The following OSBPL3 variants were observed in gnomAD, a reference collection of about 807,000 sequenced individuals.
OSBPL3 encodes oxysterol-binding protein-related protein 3.
Under a neutral mutation model 120.1 loss-of-function variants are expected in OSBPL3, and 65 were observed. The ratio of observed to expected loss-of-function variants is 0.54; its 90% CI spans 0.44 to 0.67. The LOEUF (loss-of-function observed/expected upper bound fraction) is 0.67. Ranked by LOEUF, OSBPL3 falls within the 30% of genes least tolerant of loss-of-function variation. The probability of loss-of-function intolerance (pLI) is 0.00; values close to 1 mark genes in which losing one functional copy is unlikely to be tolerated. For synonymous variants in OSBPL3, 416 were observed against 402.6 expected, an observed-to-expected ratio of 1.03 and a Z score of -0.40; for missense variants, 1,004 against 1,082.1, an observed-to-expected ratio of 0.93 and a Z score of 1.01.
chr7:24,952,524 A>T lies in OSBPL3; in HGVS notation c.-150+27362T>A, dbSNP rs1473186623. On this transcript the variant is annotated intron_variant, in intron 1 of 22. Transcript: ENST00000313367. This position sits in a 1 kb window ranked among gnomAD's most constrained non-coding sequence, Gnocchi z 4.4. ...TAAAGAATATCCTGAAATTGGATGA[A>T]ATTTTAGATGTTGCTCTATAAATAT... 6.6e-6 allele frequency among the ~76,000 whole-genome samples: 1 copy of T among 152,214 alleles called. No homozygotes were observed. The highest frequency in any genetic ancestry group is 6.5e-5 in the Admixed American group (1 of 15,278).
Position 24,968,965 on chromosome 7 carries a change from T to C in OSBPL3, c.-150+10921A>G, listed in dbSNP as rs1816699630. On this transcript the variant is annotated intron_variant, in intron 1 of 22. Transcript: ENST00000313367. This position sits in a 1 kb window ranked among gnomAD's most constrained non-coding sequence, Gnocchi z 4.6. ...TATTCAAATACTCCAAGAAACAATT[T>C]TGCATATATATCATTTTGTGAATTT... Among the ~76,000 whole-genome samples, 1 of 152,208 alleles carries C rather than the reference T, an allele frequency of 6.6e-6. No individual in the cohort carries two copies. The highest frequency in any genetic ancestry group is 1.5e-5 in the Non-Finnish European group (1 of 68,026).
At chr7:24,860,565 C>G (rs151106347) in intron 10 of OSBPL3, among the ~76,000 whole-genome samples, 2 of 152,152 alleles carry the variant, frequency 1.3e-5, no homozygotes, top group African/African-American at 2.4e-5. Flanking sequence ...GATTGTGAGG[C>G]CTCCCCAGCC....
intron 19 of OSBPL3, among the ~76,000 whole-genome samples, chr7:24,812,713 G>C (rs949430596): frequency 2.0e-5 from 3 of 152,178 alleles, no homozygotes; most frequent in Non-Finnish European, 4.4e-5. Flanking sequence ...GGCATTTTCA[G>C]GTCAGATTCT....
At chr7:24,969,450 T>C (rs1290555708) in intron 1 of OSBPL3, among the ~76,000 whole-genome samples, 1 of 152,240 alleles carries the variant, frequency 6.6e-6, no homozygotes, top group Non-Finnish European at 1.5e-5. Flanking sequence ...TTTTTAAAAA[T>C]TGACCCCGCA....
At position 24,918,053 on chromosome 7, in the gene OSBPL3, A is replaced by AG; in HGVS notation, c.-149-25433dup. 1 of 984,124 alleles carries AG rather than the reference A, an allele frequency of 1.0e-6. No homozygotes were observed. Among genetic ancestry groups the AG allele is most frequent in the Non-Finnish European group, 1.2e-6 (1 of 828,784 alleles). The allele number at this position is 984,124 out of a possible 1,614,324, so 61.0% of individuals were successfully genotyped here. A position where few individuals can be genotyped will look rare whatever the true frequency, so the allele number is the denominator to read the frequency against. On this transcript the variant is annotated intron_variant, in intron 1 of 22. Transcript: ENST00000313367. This position sits in a 1 kb window ranked among gnomAD's most constrained non-coding sequence, Gnocchi z 4.3. The stretch of plus-strand genomic sequence containing the variant: ...AAATGACTAGCACTCTTACCTATAA[A>AG]GGTTGGCTTATCCTCGACGCACATA...
chr7:24,905,643 C>A (rs1371543584), intron 1 of OSBPL3, among the ~76,000 whole-genome samples: 2 of 152,176 alleles, frequency 1.3e-5, no homozygotes, highest in Non-Finnish European at 2.9e-5. Context: ...GCGTCCAGGG[C>A]TAAGAGTCAT....
At chr7:24,884,773 C>T (rs574446503) in intron 2 of OSBPL3, among the ~76,000 whole-genome samples, 3 of 152,200 alleles carry the variant, frequency 2.0e-5, no homozygotes, top group Non-Finnish European at 2.9e-5. Context: ...TATAAACAGC[C>T]GGAGATTCAA....
In OSBPL3 at chr7:24,867,286, A is replaced by C. The variant is rs1801466558; in HGVS notation, c.382-1049T>G. On this transcript the variant is annotated intron_variant, in intron 5 of 22. Transcript: ENST00000313367. The surrounding 1 kb of genome is among the most constrained non-coding windows in gnomAD (Gnocchi z 4.5). ...TTTATAATTCAGACTTTTCAGATTAATCTTTTCTGAACTGGAATGAATTAG... is the reference window on the plus strand; with the variant it reads ...TTTATAATTCAGACTTTTCAGATTACTCTTTTCTGAACTGGAATGAATTAG... 2.6e-5 allele frequency among the ~76,000 whole-genome samples: 4 copies of C among 152,136 alleles called. No individual in the cohort carries two copies. In the South Asian group the frequency reaches 8.3e-4, roughly 32 times the overall value.
intron 10 of OSBPL3, among the ~76,000 whole-genome samples, chr7:24,860,121 G>A (rs1800320432): frequency 6.6e-6 from 1 of 152,138 alleles, no homozygotes; most frequent in Admixed American, 6.6e-5. Context: ...GTTTGTATGT[G>A]TGTGGGTATA....
chr7:24,921,187 G>A (rs1167153527), intron 1 of OSBPL3, among the ~76,000 whole-genome samples: 2 of 131,678 alleles, frequency 1.5e-5, no homozygotes, highest in Non-Finnish European at 3.2e-5. Flanking sequence ...ATTTAGCAGT[G>A]ACTCAAGCCC....
In OSBPL3 at chr7:24,891,112, G is replaced by T. The variant is rs892874583; in HGVS notation, c.96+1265C>A. Among the ~76,000 whole-genome samples, 2 of 152,148 alleles carry T rather than the reference G, an allele frequency of 1.3e-5. No individual in the cohort carries two copies. The highest frequency in any genetic ancestry group is 4.8e-5 in the African/African-American group (2 of 41,442). ...TTGGCTTAGGGAGAAAAATACTCCT[G>T]TGGAAAGCTGACAAAGAGGACAAGC... On this transcript the variant is annotated intron_variant, in intron 2 of 22. Coordinates refer to ENST00000313367, the MANE Select transcript of OSBPL3 (RefSeq NM_015550.4). This position sits in a 1 kb window ranked among gnomAD's most constrained non-coding sequence, Gnocchi z 4.1.
rs940926659 is a variant in OSBPL3, at chr7:24,835,612, G to A, written c.1496-876C>T. Among the ~76,000 whole-genome samples the A allele has an allele frequency of 2.0e-5, 3 of 152,030 alleles. No homozygotes were observed. Among genetic ancestry groups the A allele is most frequent in the African/African-American group, 4.8e-5 (2 of 41,384 alleles). ...TGTTCTACCATAAAGACGCATGCAC[G>A]TGTATGTTTATCACAGCACTATTCC... On this transcript the variant is annotated intron_variant, in intron 14 of 22. Coordinates refer to ENST00000313367, the MANE Select transcript of OSBPL3 (RefSeq NM_015550.4). This position sits in a 1 kb window ranked among gnomAD's most constrained non-coding sequence, Gnocchi z 4.8.
intron 1 of OSBPL3, among the ~76,000 whole-genome samples, chr7:24,979,560 A>C (rs943027515): frequency 6.6e-6 from 1 of 152,258 alleles, no homozygotes; most frequent in Non-Finnish European, 1.5e-5. Flanking sequence ...GCTGCCCAGG[A>C]CAGCTCCGCG....
intron 1 of OSBPL3, among the ~76,000 whole-genome samples, chr7:24,971,079 AGGCAGT>A (rs1816967213): frequency 1.3e-5 from 2 of 152,382 alleles, no homozygotes; most frequent in East Asian, 3.9e-4. Flanking sequence ...CAGCTCAAAG[AGGCAGT>A]GGCCCAAGGC....
chr7:24,883,499 C>A lies in OSBPL3; in HGVS notation c.96+8878G>T, dbSNP rs1000960143. Among the ~76,000 whole-genome samples the A allele has an allele frequency of 1.3e-5, 2 of 152,144 alleles. No individual in the cohort carries two copies. Among genetic ancestry groups the A allele is most frequent in the Admixed American group, 1.3e-4 (2 of 15,264 alleles). ...ACAGCTGCTATGCTGTGCTCTCAAC[C>A]AGAGCATCTGGGCCAGGGTTCTGCC... On this transcript the variant is annotated intron_variant, in intron 2 of 22. Coordinates refer to ENST00000313367, the MANE Select transcript of OSBPL3 (RefSeq NM_015550.4). The surrounding 1 kb of genome is among the most constrained non-coding windows in gnomAD (Gnocchi z 5.4).
chr7:24,802,111 T>C lies in OSBPL3; in HGVS notation c.2568-1832A>G, dbSNP rs1288817166. Among the ~76,000 whole-genome samples, 2 of 152,202 alleles carry C rather than the reference T, an allele frequency of 1.3e-5. No homozygotes were observed. Among genetic ancestry groups the C allele is most frequent in the Non-Finnish European group, 2.9e-5 (2 of 68,024 alleles). ...CTGTTTTCCTACACTCTCAGGAATG[T>C]AGATTTTTATCACACTTGTTTCCCT... is the stretch of plus-strand genomic sequence containing the variant. On this transcript the variant is annotated intron_variant, in intron 22 of 22. Coordinates refer to ENST00000313367, the MANE Select transcript of OSBPL3 (RefSeq NM_015550.4). This position sits in a 1 kb window ranked among gnomAD's most constrained non-coding sequence, Gnocchi z 4.1.
chr7:24,889,622 C>CA lies in OSBPL3; in HGVS notation c.96+2754dup, dbSNP rs1053626486. On this transcript the variant is annotated intron_variant, in intron 2 of 22. Transcript: ENST00000313367. The stretch of plus-strand genomic sequence containing the variant: ...ACCTGAAAAAAAAAGAATAATGTGG[C>CA]AAAAAAAAGATTAAGTATCTCCATG... Among the ~76,000 whole-genome samples, 22 of 151,540 alleles carry CA rather than the reference C, an allele frequency of 1.5e-4. No individual in the cohort carries two copies. The East Asian group carries it at 1.9e-3, about 13-fold the overall frequency.
Position 24,800,268 on chromosome 7 carries a change from T to C in OSBPL3, c.2579A>G (p.Asp860Gly). 1.2e-6 allele frequency: 2 copies of C among 1,607,630 alleles called. No individual in the cohort carries two copies. The highest frequency in any genetic ancestry group is 1.1e-5 in the South Asian group (1 of 90,932). The change falls in exon 23 of 23, where the codon GAT becomes GGT. Residue 860 changes from aspartate (D) to glycine (G), a missense_variant. Around this residue, in one of 4 missense-constraint regions of OSBPL3, gnomAD observed 473 missense variants for 568.0 expected, o/e 0.83. Coordinates refer to ENST00000313367, the MANE Select transcript of OSBPL3 (RefSeq NM_015550.4). ...GGTGCCGTTGCTCACCCAAGAGTCA[T>C]CGTCGGATTTCCTGTGAAAGAAGAA... ...HQPRFFRKSDDDSWVSNGTYL... is the reference protein window; with the variant it reads ...HQPRFFRKSDGDSWVSNGTYL...
rs1803747602 is a variant in OSBPL3, at chr7:24,881,948, T to G, written c.97-9879A>C. Among the ~76,000 whole-genome samples the G allele has an allele frequency of 6.6e-6, 1 of 152,102 alleles. No individual in the cohort carries two copies. ...CTCTATGTCTGTCTTCTCCCGAACG[T>G]GTTTCTTATAAGGACATTTGTCAGT... On this transcript the variant is annotated intron_variant, in intron 2 of 22. Transcript: ENST00000313367. The surrounding 1 kb of genome is among the most constrained non-coding windows in gnomAD (Gnocchi z 4.3).
Sources: allele counts gnomAD v4.1 joint callset (sites outside exome capture counted in the v4.1 genomes callset), GRCh38; gene constraint gnomAD v4.1.1; regional missense constraint gnomAD v4.1.1; non-coding constraint Gnocchi (gnomAD v3.1); transcripts MANE v1.5; gene names NCBI Gene and HGNC (gene_info 2026-07-23, HGNC 2026-07-21).